Variants in USP37 observed in about 807,000 individuals in gnomAD.
USP37 encodes ubiquitin carboxyl-terminal hydrolase 37.
USP37 carries 27 observed loss-of-function variants against 124.0 expected under a neutral mutation model. The observed-to-expected ratio is 0.22, with a 90% CI of 0.16 to 0.30. USP37 has a LOEUF of 0.30. Among genes scored for constraint, USP37 ranks in the 10% least tolerant of loss-of-function variants. The probability of loss-of-function intolerance (pLI) is 1.00; values close to 1 mark genes in which losing one functional copy is unlikely to be tolerated. For missense variants in USP37, 889 were observed against 1,140.4 expected, an observed-to-expected ratio of 0.78 and a Z score of 3.17; for synonymous variants, 365 against 388.0, an observed-to-expected ratio of 0.94 and a Z score of 0.70.
At chr2:218,480,187 A>G (rs1691184487) in intron 17 of USP37, among the ~76,000 whole-genome samples, 1 of 151,554 alleles carries the variant, frequency 6.6e-6, no homozygotes, top group Admixed American at 6.6e-5. Context: ...TCATGAGGTC[A>G]GGAGATCGAG....
Position 218,475,040 on chromosome 2 carries a change from G to A in USP37, c.2044-155C>T, listed in dbSNP as rs944670877. 32 of 592,578 alleles carry A rather than the reference G, an allele frequency of 5.4e-5. No individual in the cohort carries two copies. In the African/African-American group the frequency reaches 5.9e-4, roughly 11 times the overall value. The allele number at this position is 592,578 out of a possible 1,614,324, so 36.7% of individuals were successfully genotyped here. On this transcript the variant is annotated intron_variant, in intron 19 of 25. Coordinates refer to ENST00000258399, the MANE Select transcript of USP37 (RefSeq NM_020935.3). ...CAATAACCAATATATAAACTAAATG[G>A]TGAGTCTAACTTTAAAAATAATAAA...
At chr2:218,489,612 T>C (rs1691807338) in intron 14 of USP37, among the ~76,000 whole-genome samples, 1 of 151,896 alleles carries the variant, frequency 6.6e-6, no homozygotes, top group African/African-American at 2.4e-5. Context: ...CCCAAGTAGC[T>C]GGGATTACAG....
chr2:218,466,854 C>A (rs1047427605), intron 20 of USP37, among the ~76,000 whole-genome samples: 2 of 151,794 alleles, frequency 1.3e-5, no homozygotes, highest in Non-Finnish European at 2.9e-5. Context: ...CATGCCTCAG[C>A]CACCAAGCAG....
chr2:218,468,991 G>A (rs892198297), intron 20 of USP37, among the ~76,000 whole-genome samples: 15 of 152,034 alleles, frequency 9.9e-5, no homozygotes, highest in South Asian at 2.1e-4. Context: ...CACTGCGCCC[G>A]GCTCCTAATA....
At chr2:218,518,538 CA>C (rs1378476908) in intron 10 of USP37, among the ~76,000 whole-genome samples, 6 of 152,102 alleles carry the variant, frequency 3.9e-5, no homozygotes, top group African/African-American at 1.4e-4. Flanking sequence ...AAAGAAAAAA[CA>C]ATGTCAACCA....
At chr2:218,528,662 CCTGT>C (rs1471464789) in intron 10 of USP37, 3 of 419,880 alleles carry the variant, frequency 7.1e-6, no homozygotes, top group Admixed American at 4.2e-5. Flanking sequence ...TTTTCTTTAT[CCTGT>C]CTATCATTGA....
intron 18 of USP37, 56 bp downstream of exon 18, chr2:218,479,594 T>C (rs1574858819): frequency 6.9e-7 from 1 of 1,451,728 alleles, no homozygotes; most frequent in Non-Finnish European, 9.7e-7. Flanking sequence ...TCTTGGAGAT[T>C]AGGGTAAGCC....
At position 218,450,543 on chromosome 2, in the gene USP37, A is replaced by C. The variant is rs1447794880; in HGVS notation, c.*4387T>G. Reference sequence around the variant, plus strand: ...TTTTTGTTTTTCTCTCCTTAAGTTTAAAGAAACAACAATGACAATAGGCCA... The same window carrying C: ...TTTTTGTTTTTCTCTCCTTAAGTTTCAAGAAACAACAATGACAATAGGCCA... On this transcript the variant is annotated 3_prime_UTR_variant, in exon 26 of 26. Coordinates refer to ENST00000258399, the MANE Select transcript of USP37 (RefSeq NM_020935.3). 1.3e-5 allele frequency: 2 copies of C among 152,674 alleles called. No individual in the cohort carries two copies. The highest frequency in any genetic ancestry group is 2.4e-5 in the African/African-American group (1 of 41,474). The allele number at this position is 152,674 out of a possible 1,614,324, so 9.5% of individuals were successfully genotyped here. A position where few individuals can be genotyped will look rare whatever the true frequency, so the allele number is the denominator to read the frequency against.
chr2:218,493,311 C>T (rs1300774406), intron 14 of USP37, among the ~76,000 whole-genome samples: 2 of 152,186 alleles, frequency 1.3e-5, no homozygotes, highest in South Asian at 2.1e-4. Flanking sequence ...GCTGGCACAA[C>T]CTGCCCGGTC....
rs1254920387 is a variant in USP37, at chr2:218,544,420, TATATATATATAGAG to T, written c.680+1787_680+1800del. On this transcript the variant is annotated intron_variant, in intron 8 of 25. Coordinates refer to ENST00000258399, the MANE Select transcript of USP37 (RefSeq NM_020935.3). ...AAAAAAAAAAAAATATATATATATA[TATATATATATAGAG>T]AGAGAGAGAGAGAGAGAGAGAGAGA... Among the ~76,000 whole-genome samples the T allele has an allele frequency of 6.9e-4, 37 of 53,328 alleles. 1 individual carries two copies. Among genetic ancestry groups the T allele is most frequent in the Non-Finnish European group, 9.0e-4 (27 of 30,112 alleles). The allele number at this position is 53,328 out of a possible 152,430, so 35.0% of individuals were successfully genotyped here. A position where few individuals can be genotyped will look rare whatever the true frequency, so the allele number is the denominator to read the frequency against.
chr2:218,458,486 C>T (rs1021943626), intron 23 of USP37, among the ~76,000 whole-genome samples: 2 of 150,174 alleles, frequency 1.3e-5, no homozygotes, highest in African/African-American at 4.9e-5. Flanking sequence ...GCACAAGAAT[C>T]GCTTGAGCCC....
intron 7 of USP37, 147 bp downstream of exon 7, chr2:218,546,772 T>A (rs1692349405): frequency 3.3e-6 from 3 of 908,628 alleles, no homozygotes; most frequent in African/African-American, 3.4e-5. Flanking sequence ...GTCACTGACA[T>A]AAACTACATA....
intron 10 of USP37, among the ~76,000 whole-genome samples, chr2:218,511,870 A>G (rs1184422059): frequency 1.3e-5 from 2 of 151,252 alleles, no homozygotes; most frequent in African/African-American, 2.4e-5. Context: ...ATCTTGTACC[A>G]TAAGAGCACA....
In USP37 at chr2:218,549,918, CA is replaced by C; in HGVS notation, c.329-10del. ...CTGAGACGGTTTCATGGCTGGTGAC[CA>C]AAAATATAATTTTTTTTAAAATCCC... is the stretch of plus-strand genomic sequence containing the variant. On this transcript the variant is annotated splice_polypyrimidine_tract_variant and intron_variant, in intron 5 of 25. Coordinates refer to ENST00000258399, the MANE Select transcript of USP37 (RefSeq NM_020935.3). 1.9e-6 allele frequency: 3 copies of C among 1,576,200 alleles called. No individual in the cohort carries two copies. Among genetic ancestry groups the C allele is most frequent in the South Asian group, 1.2e-5 (1 of 84,248 alleles).
At chr2:218,462,917 G>A (rs186116953) in intron 22 of USP37, among the ~76,000 whole-genome samples, 29 of 151,780 alleles carry the variant, frequency 1.9e-4, no homozygotes, top group East Asian at 5.8e-4. Flanking sequence ...TTGTAATCTC[G>A]GCACTTTGGG....
chr2:218,529,933 C>T, intron 10 of USP37, 23 bp downstream of exon 10: 4 of 1,566,816 alleles, frequency 2.6e-6, no homozygotes, highest in Non-Finnish European at 3.5e-6. Context: ...AAGTTTTTCA[C>T]AAGTAATATA....
chr2:218,558,923 T>G (rs750329681), intron 3 of USP37, among the ~76,000 whole-genome samples: 10 of 151,832 alleles, frequency 6.6e-5, no homozygotes, highest in Non-Finnish European at 1.3e-4. Flanking sequence ...ATTCTCAAAG[T>G]GATTGCCTTC....
chr2:218,550,350 G>A (rs1209095065), intron 5 of USP37, among the ~76,000 whole-genome samples: 2 of 152,014 alleles, frequency 1.3e-5, no homozygotes, highest in African/African-American at 2.4e-5. Context: ...CAGAATAAAT[G>A]GCTTCTATTC....
chr2:218,475,925 C>CAAAAA (rs5838701), intron 19 of USP37, among the ~76,000 whole-genome samples: 1 of 142,438 alleles, frequency 7.0e-6, no homozygotes, highest in Non-Finnish European at 1.5e-5. Context: ...GACTCCGTCT[C>CAAAAA]AAAAAAAAAA....
Sources: gnomAD v4.1 joint callset for allele counts (sites outside exome capture counted in the v4.1 genomes callset) on GRCh38, gnomAD v4.1.1 for gene constraint, MANE v1.5 for transcripts, NCBI Gene and HGNC (gene_info 2026-07-23, HGNC 2026-07-21) for gene names.